Variants in SLC22A8 observed in about 807,000 individuals in gnomAD.
SLC22A8 encodes the protein solute carrier family 22 member 8.
Under a neutral mutation model 48.4 loss-of-function variants are expected in SLC22A8, and 40 were observed. That is an observed-to-expected ratio of 0.83 (90% CI 0.64 to 1.08). The LOEUF is 1.08. SLC22A8 is among the 50% of genes least tolerant of loss of function. The pLI is 0.00. For synonymous variants in SLC22A8, 268 were observed against 286.3 expected (o/e 0.94, Z 0.65); for missense variants, 606 against 699.0 (o/e 0.87, Z 1.50).
chr11:62,998,679 G>A (rs372643540), intron 5 of SLC22A8, among the ~76,000 whole-genome samples: 13 of 152,210 alleles, frequency 8.5e-5, no homozygotes, highest in East Asian at 3.9e-4. Flanking sequence ...TCTCCATCCC[G>A]TCCACCTCCA....
chr11:62,995,689 G>A lies in SLC22A8; in HGVS notation c.1001+15C>T. 2.5e-6 allele frequency: 4 copies of A among 1,591,472 alleles called. No individual in the cohort carries two copies. Among genetic ancestry groups the A allele is most frequent in the Non-Finnish European group, 3.5e-6 (4 of 1,159,402 alleles). On this transcript the variant is annotated intron_variant, in intron 7 of 10. Coordinates refer to ENST00000336232, the MANE Select transcript of SLC22A8 (RefSeq NM_004254.4). Reference sequence around the variant, plus strand: ...CCCTTCCTTGGCAGGGTGTGGGCAGGGAGAGGGGGGTTACCAGGCCAGGGA... The same window carrying A: ...CCCTTCCTTGGCAGGGTGTGGGCAGAGAGAGGGGGGTTACCAGGCCAGGGA...
At chr11:62,993,653 G>A in intron 9 of SLC22A8, 26 bp from the exon 10 acceptor site, 1 of 1,602,884 alleles carries the variant, frequency 6.2e-7, no homozygotes, top group Non-Finnish European at 8.5e-7. Context: ...GTAGGGATTG[G>A]TAGCCTGTGT....
At chr11:63,004,775 C>T (rs898562593) in intron 2 of SLC22A8, among the ~76,000 whole-genome samples, 16 of 152,132 alleles carry the variant, frequency 1.1e-4, no homozygotes, top group African/African-American at 2.2e-4. Context: ...GAACAGTATC[C>T]GATACATACT....
At position 62,992,830 on chromosome 11, in the gene SLC22A8, T is replaced by G; in HGVS notation, c.*407A>C. 5.1e-6 allele frequency: 1 copy of G among 197,620 alleles called. No individual in the cohort carries two copies. The highest frequency in any genetic ancestry group is 1.2e-4 in the East Asian group (1 of 8,186). 12.2% of individuals were successfully genotyped at this position (197,620 alleles called of 1,614,324 possible). A position where few individuals can be genotyped will look rare whatever the true frequency, so the allele number is the denominator to read the frequency against. On this transcript the variant is annotated 3_prime_UTR_variant, in exon 11 of 11. Transcript: ENST00000336232. ...CATTCCTGAACATCATGGCTAGAGTTCTTATCGCTGTTTATTGAAACCTCC... is the reference window on the plus strand; with the variant it reads ...CATTCCTGAACATCATGGCTAGAGTGCTTATCGCTGTTTATTGAAACCTCC...
chr11:62,999,782 A>AC lies in SLC22A8; in HGVS notation c.497dup (p.Ala167CysfsTer150). The AC allele has an allele frequency of 6.2e-7, 1 of 1,606,414 alleles. No individual in the cohort carries two copies. Among genetic ancestry groups the AC allele is most frequent in the Non-Finnish European group, 8.5e-7 (1 of 1,176,242 alleles). ...TGGGGAAGGTGGGGCTGAAGGCTGCACCGGAGCCGCTGGCTGCCAGCAGCA... is the reference window on the plus strand; with the variant it reads ...TGGGGAAGGTGGGGCTGAAGGCTGCACCCGGAGCCGCTGGCTGCCAGCAGCA... On this transcript the variant is annotated frameshift_variant, in exon 4 of 11. Coordinates refer to ENST00000336232, the MANE Select transcript of SLC22A8 (RefSeq NM_004254.4). LOFTEE classifies it high-confidence loss of function.
chr11:63,003,432 G>A (rs1407889238), intron 2 of SLC22A8, among the ~76,000 whole-genome samples: 1 of 152,156 alleles, frequency 6.6e-6, no homozygotes, highest in African/African-American at 2.4e-5. Flanking sequence ...TAGTTGGGAA[G>A]GGGGCCTGCA....
At chr11:62,997,275 A>C (rs2086433150) in intron 5 of SLC22A8, among the ~76,000 whole-genome samples, 1 of 151,994 alleles carries the variant, frequency 6.6e-6, no homozygotes, top group Non-Finnish European at 1.5e-5. Context: ...CCTGGGCTGG[A>C]GTGCAATGGC....
At chr11:63,003,575 C>T (rs2086522755) in intron 2 of SLC22A8, among the ~76,000 whole-genome samples, 1 of 152,194 alleles carries the variant, frequency 6.6e-6, no homozygotes, top group African/African-American at 2.4e-5. Flanking sequence ...TGTAAAGTCC[C>T]TTTAGGAAAA....
chr11:63,008,929 C>T (rs1252468242), intron 2 of SLC22A8, among the ~76,000 whole-genome samples: 1 of 152,110 alleles, frequency 6.6e-6, no homozygotes, highest in East Asian at 1.9e-4. Context: ...AGCCCAGGTC[C>T]CTGCGTACAG....
At chr11:63,000,479 C>T (rs1201431068) in intron 3 of SLC22A8, among the ~76,000 whole-genome samples, 5 of 138,318 alleles carry the variant, frequency 3.6e-5, no homozygotes, top group East Asian at 4.2e-4. Context: ...AGTGAGACTC[C>T]GTCTTAAGAG....
chr11:62,995,994 G>C (rs1424886337), intron 6 of SLC22A8, 35 bp downstream of exon 6: 1 of 1,613,002 alleles, frequency 6.2e-7, no homozygotes, highest in Admixed American at 1.7e-5. Flanking sequence ...GGAGCACAGG[G>C]GTTCTGCTCC....
chr11:63,014,053 C>T (rs1026110200), intron 2 of SLC22A8, among the ~76,000 whole-genome samples: 1 of 152,206 alleles, frequency 6.6e-6, no homozygotes, highest in Admixed American at 6.5e-5. Context: ...AGCCTCCCCT[C>T]TGTGCGGTCC....
rs2086661984 is a variant in SLC22A8 at position 63,015,303 on chromosome 11, G to A, written c.-25-320C>T. Among the ~76,000 whole-genome samples, 6 of 152,180 alleles carry A rather than the reference G, an allele frequency of 3.9e-5. No individual in the cohort carries two copies. In the South Asian group the frequency reaches 1.2e-3, roughly 31 times the overall value. ...CATAAGGACACAGCTGCGTGAGCTC[G>A]GGTATGTGTTGTGAGCGTGTGCACC... On this transcript the variant is annotated intron_variant, in intron 1 of 10. Coordinates refer to ENST00000336232, the MANE Select transcript of SLC22A8 (RefSeq NM_004254.4).
At chr11:63,004,088 C>G (rs560164700) in intron 2 of SLC22A8, among the ~76,000 whole-genome samples, 2 of 152,130 alleles carry the variant, frequency 1.3e-5, no homozygotes, top group Non-Finnish European at 2.9e-5. Flanking sequence ...ATGAGAAGGT[C>G]AATTGTCAGA....
At chr11:63,007,629 G>A (rs1053056172) in intron 2 of SLC22A8, among the ~76,000 whole-genome samples, 3 of 152,142 alleles carry the variant, frequency 2.0e-5, no homozygotes, top group Non-Finnish European at 4.4e-5. Context: ...GCCTGGCCTA[G>A]TTCAGTGTTC....
intron 6 of SLC22A8, 55 bp from the exon 7 acceptor site, chr11:62,995,874 G>A (rs1390255386): frequency 1.8e-5 from 27 of 1,514,718 alleles, no homozygotes; most frequent in South Asian, 4.5e-5. Flanking sequence ...TGGGCAGGAC[G>A]AAGAGAGGGA....
At position 63,002,703 on chromosome 11, in the gene SLC22A8, A is replaced by G. The variant is rs374931222; in HGVS notation, c.334-1880T>C. 1.6e-4 allele frequency among the ~76,000 whole-genome samples: 25 copies of G among 152,044 alleles called. No individual in the cohort carries two copies. The East Asian group carries it at 2.3e-3, about 14-fold the overall frequency. On this transcript the variant is annotated intron_variant, in intron 2 of 10. Transcript: ENST00000336232. ...TGATCTTCAAGATTCTAGCTTTTTG[A>G]TATTTCTTGAATCTGGATTCTTCTA... is the stretch of plus-strand genomic sequence containing the variant.
In SLC22A8 at chr11:62,993,093, T is replaced by C; in HGVS notation, c.*144A>G. The C allele has an allele frequency of 1.6e-6, 1 of 635,200 alleles. No individual in the cohort carries two copies. The highest frequency in any genetic ancestry group is 2.0e-5 in the South Asian group (1 of 50,976). 39.3% of individuals were successfully genotyped at this position (635,200 alleles called of 1,614,324 possible). A position where few individuals can be genotyped will look rare whatever the true frequency, so the allele number is the denominator to read the frequency against. ...CTGGCCAGGGCTGGGCAGGAGGCTC[T>C]GGTGGTGGTGATGGAGACACCTTCA... On this transcript the variant is annotated 3_prime_UTR_variant, in exon 11 of 11. Coordinates refer to ENST00000336232, the MANE Select transcript of SLC22A8 (RefSeq NM_004254.4).
intron 2 of SLC22A8, among the ~76,000 whole-genome samples, chr11:63,009,142 C>T (rs541884358): frequency 1.3e-5 from 2 of 152,182 alleles, no homozygotes; most frequent in African/African-American, 4.8e-5. Flanking sequence ...GATGAGCCCC[C>T]GGCAGGGCTG....
Sources: gnomAD v4.1 joint callset for allele counts (sites outside exome capture counted in the v4.1 genomes callset) on GRCh38, gnomAD v4.1.1 for gene constraint, MANE v1.5 for transcripts, NCBI Gene and HGNC (gene_info 2026-07-23, HGNC 2026-07-21) for gene names.